TTC29: variants seen among roughly 807,000 people sequenced by gnomAD.
TTC29 encodes the protein tetratricopeptide repeat protein 29.
A neutral mutation model predicts 58.1 loss-of-function variants in TTC29; 49 were observed. That is an observed-to-expected ratio of 0.84 (90% CI 0.67 to 1.07). The LOEUF (loss-of-function observed/expected upper bound fraction) is 1.07, where lower values mean the gene tolerates loss of function less well. TTC29 is among the 50% of genes least tolerant of loss of function. TTC29 has a pLI of 0.00. For missense variants in TTC29, 582 were observed against 555.6 expected (o/e 1.05, Z -0.48); for synonymous variants, 209 against 196.8 (o/e 1.06, Z -0.52).
chr4:146,842,525 T>C (rs1561179524), intron 8 of TTC29, among the ~76,000 whole-genome samples: 1 of 152,048 alleles, frequency 6.6e-6, no homozygotes, highest in African/African-American at 2.4e-5. Flanking sequence ...GTTTCCAGTT[T>C]TGTCTACAAG....
chr4:146,877,631 T>A (rs775376738), intron 6 of TTC29, among the ~76,000 whole-genome samples: 1 of 152,210 alleles, frequency 6.6e-6, no homozygotes, highest in Non-Finnish European at 1.5e-5. Flanking sequence ...TTTCTGCCTA[T>A]GAAGTATAGC....
chr4:146,927,386 C>T (rs1735013013), intron 4 of TTC29, among the ~76,000 whole-genome samples: 1 of 152,190 alleles, frequency 6.6e-6, no homozygotes, highest in Non-Finnish European at 1.5e-5. Context: ...AATTCATGCT[C>T]TATTCCATTA....
intron 2 of TTC29, chr4:146,942,718 C>CCAA: frequency 8.3e-7 from 1 of 1,197,794 alleles, no homozygotes; most frequent in Non-Finnish European, 1.2e-6. Context: ...AAGAAAACAA[C>CCAA]TAAGTTTGCC....
intron 4 of TTC29, among the ~76,000 whole-genome samples, chr4:146,916,184 T>C (rs1405949065): frequency 6.6e-6 from 1 of 151,754 alleles, no homozygotes; most frequent in African/African-American, 2.4e-5. Context: ...ATGTATATCG[T>C]AATCAGAATT....
chr4:146,792,052 C>T (rs1376797912), intron 11 of TTC29, among the ~76,000 whole-genome samples: 2 of 152,186 alleles, frequency 1.3e-5, no homozygotes, highest in Admixed American at 1.3e-4. Flanking sequence ...GGTGAAACAA[C>T]AAATGCTAAT....
chr4:146,927,306 C>T (rs768399429), intron 4 of TTC29, among the ~76,000 whole-genome samples: 1 of 151,806 alleles, frequency 6.6e-6, no homozygotes, highest in Non-Finnish European at 1.5e-5. Context: ...AAGTAACTTC[C>T]CCAAAGTCAA....
intron 4 of TTC29, among the ~76,000 whole-genome samples, chr4:146,932,516 G>A (rs1403019233): frequency 6.6e-6 from 1 of 152,144 alleles, no homozygotes; most frequent in African/African-American, 2.4e-5. Flanking sequence ...ATGAAATATT[G>A]TATCTTAAAT....
intron 10 of TTC29, among the ~76,000 whole-genome samples, chr4:146,815,794 G>A (rs1006752446): frequency 1.3e-5 from 2 of 152,176 alleles, no homozygotes; most frequent in African/African-American, 4.8e-5. Flanking sequence ...GAATTGAGGG[G>A]AGAGATCTGA....
At chr4:146,863,240 A>T (rs1194013993) in intron 8 of TTC29, among the ~76,000 whole-genome samples, 1 of 152,200 alleles carries the variant, frequency 6.6e-6, no homozygotes, top group East Asian at 1.9e-4. Flanking sequence ...AGTTTGCAAA[A>T]ATATGCAGTT....
At chr4:146,843,012 G>A (rs1378885044) in intron 8 of TTC29, among the ~76,000 whole-genome samples, 2 of 152,168 alleles carry the variant, frequency 1.3e-5, no homozygotes, top group Non-Finnish European at 2.9e-5. Flanking sequence ...ACATGATTCA[G>A]ACAATCAACT....
chr4:146,714,019 A>T (rs2149995165), intron 11 of TTC29, among the ~76,000 whole-genome samples: 1 of 152,294 alleles, frequency 6.6e-6, no homozygotes, highest in South Asian at 2.1e-4. Context: ...TCTATTCAAG[A>T]CAGTGTAACA....
chr4:146,842,717 A>G (rs1297460774), intron 8 of TTC29, among the ~76,000 whole-genome samples: 1 of 152,176 alleles, frequency 6.6e-6, no homozygotes, highest in Non-Finnish European at 1.5e-5. Flanking sequence ...ATATTGTGTT[A>G]TACATCCCCT....
At chr4:146,728,849 A>ATATATACGTATATATGTATATATATATG (rs1267339124) in intron 11 of TTC29, among the ~76,000 whole-genome samples, 6 of 54,372 alleles carry the variant, frequency 1.1e-4, no homozygotes, top group Admixed American at 2.3e-4. Context: ...ATATATATGT[A>ATATATACGTATATATGTATATATATATG]TATATATACA....
At chr4:146,723,737 G>GAA (rs1219718936) in intron 11 of TTC29, among the ~76,000 whole-genome samples, 1 of 152,226 alleles carries the variant, frequency 6.6e-6, no homozygotes, top group African/African-American at 2.4e-5. Flanking sequence ...GCAGATGCTT[G>GAA]TGAGCCTGTG....
rs1271548883 is a variant in TTC29, at chr4:146,831,778, A to G, written c.977+2028T>C. 9.0e-6 allele frequency: 4 copies of G among 444,892 alleles called. No homozygotes were observed. The Admixed American group carries it at 9.5e-5, about 11-fold the overall frequency. The allele number at this position is 444,892 out of a possible 1,614,324, so 27.6% of individuals were successfully genotyped here. ...AAGGCTAAGAGGTGAGAATTATTTGAAGACAGACTCATGTCTCTGGAAGTT... is the reference window on the plus strand; with the variant it reads ...AAGGCTAAGAGGTGAGAATTATTTGGAGACAGACTCATGTCTCTGGAAGTT... On this transcript the variant is annotated intron_variant, in intron 9 of 12. Coordinates refer to ENST00000325106, the MANE Select transcript of TTC29 (RefSeq NM_031956.4).
At chr4:146,860,352 A>G (rs1261102076) in intron 8 of TTC29, among the ~76,000 whole-genome samples, 4 of 152,160 alleles carry the variant, frequency 2.6e-5, no homozygotes, top group Admixed American at 6.5e-5. Context: ...TGAAACACTA[A>G]GGATATATTA....
At chr4:146,902,872 T>C (rs1733248788) in intron 6 of TTC29, among the ~76,000 whole-genome samples, 1 of 152,226 alleles carries the variant, frequency 6.6e-6, no homozygotes, top group East Asian at 1.9e-4. Context: ...TAAAAACTTT[T>C]ATGCAAAATG....
intron 6 of TTC29, among the ~76,000 whole-genome samples, chr4:146,894,458 C>T (rs1222146545): frequency 6.8e-6 from 1 of 148,066 alleles, no homozygotes; most frequent in Non-Finnish European, 1.5e-5. Flanking sequence ...CATGTTCTCA[C>T]TCATAGGTGG....
Position 146,918,677 on chromosome 4 carries a change from T to C in TTC29, c.177-9428A>G, listed in dbSNP as rs572366261. The stretch of plus-strand genomic sequence containing the variant: ...ACTTTAGATAATTTCCTTAATAACA[T>C]AAAGGCATTTTTTATGTGCCCACTT... On this transcript the variant is annotated intron_variant, in intron 4 of 12. Transcript: ENST00000325106. Among the ~76,000 whole-genome samples the C allele has an allele frequency of 9.3e-5, 14 of 151,296 alleles. No homozygotes were observed. In the South Asian group the frequency reaches 2.7e-3, roughly 29 times the overall value.
Sources: gnomAD v4.1 joint callset for allele counts (sites outside exome capture counted in the v4.1 genomes callset) on GRCh38, gnomAD v4.1.1 for gene constraint, MANE v1.5 for transcripts, NCBI Gene and HGNC (gene_info 2026-07-23, HGNC 2026-07-21) for gene names.